The following PLCXD3 variants were observed in gnomAD, a reference collection of about 807,000 sequenced individuals.
PLCXD3 encodes the protein phosphatidylinositol specific phospholipase C X domain containing 3.
A neutral mutation model predicts 25.5 loss-of-function variants in PLCXD3; 19 were observed. That is an observed-to-expected ratio of 0.75 (90% CI 0.52 to 1.09). The LOEUF (loss-of-function observed/expected upper bound fraction) is 1.09. Ranked by LOEUF, PLCXD3 falls within the 50% of genes least tolerant of loss-of-function variation. PLCXD3 has a pLI of 0.00. For synonymous variants in PLCXD3, 174 were observed against 137.6 expected, an observed-to-expected ratio of 1.26 and a Z score of -1.85; for missense variants, 411 against 388.1, an observed-to-expected ratio of 1.06 and a Z score of -0.50.
At chr5:41,313,904 G>T in intron 2 of PLCXD3, 134 bp from the exon 3 acceptor site, 2 of 1,013,342 alleles carry the variant, frequency 2.0e-6, no homozygotes, top group Admixed American at 3.2e-5. Context: ...AAGGGGAAAA[G>T]GCCAAATGGA....
chr5:41,433,829 G>C (rs2150509504), intron 1 of PLCXD3, among the ~76,000 whole-genome samples: 1 of 152,232 alleles, frequency 6.6e-6, no homozygotes, highest in East Asian at 1.9e-4. Flanking sequence ...TTCTTTAAAC[G>C]CACAGAAACA....
At chr5:41,316,935 A>T (rs1220655799) in intron 2 of PLCXD3, among the ~76,000 whole-genome samples, 2 of 152,198 alleles carry the variant, frequency 1.3e-5, no homozygotes, top group African/African-American at 4.8e-5. Context: ...GGACCTTGCC[A>T]TCCTGAAAGG....
intron 1 of PLCXD3, among the ~76,000 whole-genome samples, chr5:41,424,883 T>C (rs1208843634): frequency 3.3e-5 from 5 of 152,184 alleles, no homozygotes; most frequent in African/African-American, 1.2e-4. Context: ...ATCAAGCTTG[T>C]TTATTGTCTT....
At chr5:41,461,131 A>T (rs1747862953) in intron 1 of PLCXD3, among the ~76,000 whole-genome samples, 1 of 151,984 alleles carries the variant, frequency 6.6e-6, no homozygotes, top group Admixed American at 6.6e-5. Flanking sequence ...TTATTGGTAA[A>T]TAAACTAAAA....
intron 1 of PLCXD3, among the ~76,000 whole-genome samples, chr5:41,458,309 A>G (rs934576206): frequency 1.3e-5 from 2 of 151,918 alleles, no homozygotes; most frequent in Non-Finnish European, 2.9e-5. Flanking sequence ...ACAGCCCAAG[A>G]ATCTCTAGTA....
At chr5:41,419,393 G>A (rs993165318) in intron 1 of PLCXD3, among the ~76,000 whole-genome samples, 2 of 152,118 alleles carry the variant, frequency 1.3e-5, no homozygotes, top group African/African-American at 2.4e-5. Flanking sequence ...CAAAGTGCTA[G>A]GGGAACATTT....
At chr5:41,491,481 G>C (rs1276702488) in intron 1 of PLCXD3, among the ~76,000 whole-genome samples, 1 of 152,032 alleles carries the variant, frequency 6.6e-6, no homozygotes, top group Non-Finnish European at 1.5e-5. Context: ...TCAATTCCTG[G>C]GTATCCTTGT....
At chr5:41,375,629 T>C (rs966490593) in intron 2 of PLCXD3, among the ~76,000 whole-genome samples, 3 of 152,150 alleles carry the variant, frequency 2.0e-5, no homozygotes, top group Non-Finnish European at 4.4e-5. Context: ...GGTTCCATGC[T>C]AACATCCTAC....
At chr5:41,326,379 T>C (rs1743627449) in intron 2 of PLCXD3, among the ~76,000 whole-genome samples, 1 of 152,140 alleles carries the variant, frequency 6.6e-6, no homozygotes, top group South Asian at 2.1e-4. Context: ...AGCATTATTA[T>C]TCCTCTTCAT....
intron 1 of PLCXD3, among the ~76,000 whole-genome samples, chr5:41,467,898 T>G (rs948966425): frequency 1.3e-5 from 2 of 152,130 alleles, no homozygotes; most frequent in Non-Finnish European, 2.9e-5. Context: ...TGGTTTTCTA[T>G]TGTGTTCCAT....
At chr5:41,333,558 G>T (rs948766047) in intron 2 of PLCXD3, among the ~76,000 whole-genome samples, 6 of 152,084 alleles carry the variant, frequency 3.9e-5, no homozygotes, top group African/African-American at 4.8e-5. Context: ...AAGGCTTATG[G>T]TTTTTGCTAA....
chr5:41,315,454 T>C (rs757177598), intron 2 of PLCXD3, among the ~76,000 whole-genome samples: 1 of 150,354 alleles, frequency 6.7e-6, no homozygotes, highest in Non-Finnish European at 1.5e-5. Flanking sequence ...TTGAGAAATA[T>C]ATAACAACTG....
chr5:41,313,443 T>C lies in PLCXD3; in HGVS notation c.*174A>G, dbSNP rs1743198355. On this transcript the variant is annotated 3_prime_UTR_variant, in exon 3 of 3. Transcript: ENST00000377801. ...ATGGGAAATGAAATATTTATAGTAA[T>C]GAAGAGTATGATTGTAATCACTGAA... 1 of 592,806 alleles carries C rather than the reference T, an allele frequency of 1.7e-6. No homozygotes were observed. 36.7% of individuals were successfully genotyped at this position (592,806 alleles called of 1,614,324 possible).
chr5:41,313,487 T>C lies in PLCXD3; in HGVS notation c.*130A>G, dbSNP rs1743199583. ...CACTGAAGAAACAGTTTTTCCCCTT[T>C]TCCCACCCACTACCAGCCCTATTCC... is the stretch of plus-strand genomic sequence containing the variant. On this transcript the variant is annotated 3_prime_UTR_variant, in exon 3 of 3. Transcript: ENST00000377801. 1 of 1,040,190 alleles carries C rather than the reference T, an allele frequency of 9.6e-7. No homozygotes were observed. The highest frequency in any genetic ancestry group is 2.6e-5 in the East Asian group (1 of 37,834). 64.4% of individuals were successfully genotyped at this position (1,040,190 alleles called of 1,614,324 possible). A position where few individuals can be genotyped will look rare whatever the true frequency, so the allele number is the denominator to read the frequency against.
chr5:41,378,058 A>G (rs1315481454), intron 2 of PLCXD3, among the ~76,000 whole-genome samples: 1 of 152,126 alleles, frequency 6.6e-6, no homozygotes, highest in Non-Finnish European at 1.5e-5. Context: ...GGACAATGTC[A>G]GAATCAGTTC....
At chr5:41,398,749 C>G (rs926148437) in intron 1 of PLCXD3, among the ~76,000 whole-genome samples, 1 of 151,862 alleles carries the variant, frequency 6.6e-6, no homozygotes, top group Non-Finnish European at 1.5e-5. Context: ...TATGACAGAC[C>G]CACAGCTAGT....
At chr5:41,353,578 G>C (rs185011903) in intron 2 of PLCXD3, among the ~76,000 whole-genome samples, 47 of 152,274 alleles carry the variant, frequency 3.1e-4, no homozygotes, top group Non-Finnish European at 5.3e-4. Flanking sequence ...CTATATGCCA[G>C]GAATTGTTCT....
At chr5:41,430,453 T>C (rs1747068784) in intron 1 of PLCXD3, among the ~76,000 whole-genome samples, 1 of 152,114 alleles carries the variant, frequency 6.6e-6, no homozygotes, top group Non-Finnish European at 1.5e-5. Context: ...TTATTGAAAA[T>C]AGGTGTAGCT....
intron 1 of PLCXD3, among the ~76,000 whole-genome samples, chr5:41,390,015 C>A (rs1745760657): frequency 6.6e-6 from 1 of 152,076 alleles, no homozygotes; most frequent in South Asian, 2.1e-4. Flanking sequence ...CTCCTATCCA[C>A]CCCAAGATCC....
Sources: allele counts gnomAD v4.1 joint callset (sites outside exome capture counted in the v4.1 genomes callset), GRCh38; gene constraint gnomAD v4.1.1; transcripts MANE v1.5; gene names NCBI Gene and HGNC (gene_info 2026-07-23, HGNC 2026-07-21).